UGT1A8: variants seen among roughly 807,000 people sequenced by gnomAD.
UGT1A8 encodes the protein UDP glucuronosyltransferase family 1 member A8.
In UGT1A8, 39 loss-of-function variants were observed where a neutral mutation model predicts 45.3. The observed-to-expected ratio is 0.86, with a 90% CI of 0.67 to 1.12. The LOEUF is 1.12. Among genes scored for constraint, UGT1A8 ranks in the 50% most tolerant of loss-of-function variants. The probability of loss-of-function intolerance (pLI) is 0.00; values close to 1 mark genes in which losing one functional copy is unlikely to be tolerated. For missense variants in UGT1A8, 719 were observed against 664.9 expected, an observed-to-expected ratio of 1.08 and a Z score of -0.90; for synonymous variants, 275 against 249.2, an observed-to-expected ratio of 1.10 and a Z score of -0.97.
At chr2:233,693,184 G>A (rs1457518108) in intron 1 of UGT1A8, 2 of 1,614,016 alleles carry the variant, frequency 1.2e-6, no homozygotes, top group African/African-American at 1.3e-5. Flanking sequence ...TAGTGGTGGT[G>A]CCTGAAGTTA....
chr2:233,693,277 C>T, intron 1 of UGT1A8: 1 of 1,614,128 alleles, frequency 6.2e-7, no homozygotes, highest in Non-Finnish European at 8.5e-7. Flanking sequence ...AGAACCGTTA[C>T]CAATCATTTG....
rs771993243 is a variant in UGT1A8, at chr2:233,755,018, C to T, written c.856-12016C>T. On this transcript the variant is annotated intron_variant, in intron 1 of 4. Transcript: ENST00000373450. ...AGCTGAAGACCTACTCGAAGGGGTC[C>T]TTGAAGGGCCTGCCGCCTGCGCAGC... 3.8e-6 allele frequency: 5 copies of T among 1,302,150 alleles called. No homozygotes were observed. The South Asian group carries it at 4.6e-5, about 12-fold the overall frequency. The allele number at this position is 1,302,150 out of a possible 1,614,324, so 80.7% of individuals were successfully genotyped here.
At chr2:233,694,252 G>A (rs1223545942) in intron 1 of UGT1A8, among the ~76,000 whole-genome samples, 1 of 151,942 alleles carries the variant, frequency 6.6e-6, no homozygotes, top group African/African-American at 2.4e-5. Context: ...CTTGAGCCAG[G>A]GACCAGCGAA....
intron 1 of UGT1A8, among the ~76,000 whole-genome samples, chr2:233,652,137 G>A (rs749802237): frequency 6.6e-6 from 1 of 152,176 alleles, no homozygotes; most frequent in Non-Finnish European, 1.5e-5. Context: ...GGGATGGGAG[G>A]TGACTGCACA....
chr2:233,679,038 A>G (rs143783350), intron 1 of UGT1A8, among the ~76,000 whole-genome samples: 2 of 152,298 alleles, frequency 1.3e-5, no homozygotes, highest in African/African-American at 4.8e-5. Flanking sequence ...GACTTTCATG[A>G]CATTCTCTAT....
At chr2:233,627,460 C>T (rs1266612481) in intron 1 of UGT1A8, among the ~76,000 whole-genome samples, 1 of 152,062 alleles carries the variant, frequency 6.6e-6, no homozygotes, top group Non-Finnish European at 1.5e-5. Flanking sequence ...TCTCAAATCA[C>T]ATTGGCATCT....
At chr2:233,629,065 C>T (rs1350214323) in intron 1 of UGT1A8, among the ~76,000 whole-genome samples, 2 of 152,084 alleles carry the variant, frequency 1.3e-5, no homozygotes, top group Non-Finnish European at 2.9e-5. Context: ...ATCTCTAGAA[C>T]TCGCTTCATC....
chr2:233,713,080 A>G (rs1178501043), intron 1 of UGT1A8: 1 of 1,614,182 alleles, frequency 6.2e-7, no homozygotes, highest in Non-Finnish European at 8.5e-7. Flanking sequence ...GAGAGTGGGA[A>G]GGTGCTGGTG....
At chr2:233,737,640 G>A (rs1245829598) in intron 1 of UGT1A8, among the ~76,000 whole-genome samples, 6 of 152,138 alleles carry the variant, frequency 3.9e-5, no homozygotes, top group African/African-American at 7.2e-5. Context: ...CTTCTGCGTC[G>A]ATCATGCTGG....
In UGT1A8 at chr2:233,725,322, G is replaced by C. The variant is rs1180235241; in HGVS notation, c.856-41712G>C. Among the ~76,000 whole-genome samples the C allele has an allele frequency of 1.9e-5, 2 of 103,758 alleles. 1 individual carries two copies. Among genetic ancestry groups the C allele is most frequent in the Non-Finnish European group, 4.1e-5 (2 of 49,016 alleles). 68.1% of individuals were successfully genotyped at this position (103,758 alleles called of 152,430 possible). On this transcript the variant is annotated intron_variant, in intron 1 of 4. Transcript: ENST00000373450. Reference sequence around the variant, plus strand: ...GGCAGAGGCAGAGGCAGAGGCGCCTGGTCAACAATCTTAAGTCCAATAAGA... The same window carrying C: ...GGCAGAGGCAGAGGCAGAGGCGCCTCGTCAACAATCTTAAGTCCAATAAGA...
At chr2:233,649,097 C>T (rs1435920768) in intron 1 of UGT1A8, 2 of 831,428 alleles carry the variant, frequency 2.4e-6, no homozygotes, top group East Asian at 7.9e-5. Flanking sequence ...CCTTACGGAA[C>T]TGGGATTTGA....
intron 1 of UGT1A8, among the ~76,000 whole-genome samples, chr2:233,649,465 G>C (rs1314990285): frequency 6.6e-6 from 1 of 152,102 alleles, no homozygotes; most frequent in Non-Finnish European, 1.5e-5. Flanking sequence ...TTGCAGTTTT[G>C]TATGCATGTG....
intron 1 of UGT1A8, chr2:233,729,094 G>T: frequency 9.9e-6 from 16 of 1,612,652 alleles, no homozygotes; most frequent in Non-Finnish European, 1.4e-5. Flanking sequence ...ACAGCGTGGG[G>T]TGGACAGTCA....
In UGT1A8 at chr2:233,648,039, A is replaced by G. The variant is rs548724447; in HGVS notation, c.855+29477A>G. 1.6e-5 allele frequency: 25 copies of G among 1,594,076 alleles called. No individual in the cohort carries two copies. The South Asian group carries it at 2.9e-4, about 18-fold the overall frequency. Reference sequence around the variant, plus strand: ...CAGAGGTGAGTTGGCAACTGGGAAGATCACTGAATTGCACAGTGAAGACTT... The same window carrying G: ...CAGAGGTGAGTTGGCAACTGGGAAGGTCACTGAATTGCACAGTGAAGACTT... On this transcript the variant is annotated intron_variant, in intron 1 of 4. Transcript: ENST00000373450.
At chr2:233,669,106 C>T (rs1370778861) in intron 1 of UGT1A8, among the ~76,000 whole-genome samples, 1 of 152,174 alleles carries the variant, frequency 6.6e-6, no homozygotes, top group African/African-American at 2.4e-5. Context: ...CATCTTTTCC[C>T]CACAGAATTG....
At chr2:233,703,034 T>A (rs1194366315) in intron 1 of UGT1A8, among the ~76,000 whole-genome samples, 1 of 152,240 alleles carries the variant, frequency 6.6e-6, no homozygotes, top group East Asian at 1.9e-4. Context: ...GTATTCATTC[T>A]TTACATATTT....
intron 1 of UGT1A8, chr2:233,690,611 C>T (rs1192980104): frequency 5.4e-6 from 7 of 1,289,328 alleles, no homozygotes; most frequent in Non-Finnish European, 7.1e-6. Context: ...TCGGCCTTTG[C>T]CTGGACACTC....
At position 233,618,465 on chromosome 2, in the gene UGT1A8, T is replaced by G. The variant is rs2072943784; in HGVS notation, c.758T>G (p.Leu253Trp). 1 of 1,613,958 alleles carries G rather than the reference T, an allele frequency of 6.2e-7. No homozygotes were observed. The highest frequency in any genetic ancestry group is 8.5e-7 in the Non-Finnish European group (1 of 1,179,822). ...DLYSHTSIWL[L>W]RTDFVLDYPK... ...TACAGCCACACATCAATTTGGTTGT[T>G]GCGAACAGACTTTGTTTTGGACTAT... The change falls in exon 1 of 5, where the codon TTG (leucine) becomes TGG (tryptophan). Residue 253 changes from leucine to tryptophan, a missense_variant. Leu to Trp is a moderately conservative substitution (Grantham distance 61). Coordinates refer to ENST00000373450, the MANE Select transcript of UGT1A8 (RefSeq NM_019076.5).
intron 1 of UGT1A8, chr2:233,714,002 A>G: frequency 3.9e-6 from 6 of 1,547,452 alleles, no homozygotes; most frequent in Non-Finnish European, 5.2e-6. Context: ...CTTCAGTGAG[A>G]TAAACTTTTA....
Sources: allele counts gnomAD v4.1 joint callset (sites outside exome capture counted in the v4.1 genomes callset), GRCh38; gene constraint gnomAD v4.1.1; transcripts MANE v1.5; gene names NCBI Gene and HGNC (gene_info 2026-07-23, HGNC 2026-07-21).